The following TBATA variants were observed in gnomAD, a reference collection of about 807,000 sequenced individuals.
TBATA encodes thymus, brain and testes associated.
Under a neutral mutation model 38.7 loss-of-function variants are expected in TBATA, and 47 were observed. The ratio of observed to expected loss-of-function variants is 1.21; its 90% confidence interval spans 0.96 to 1.55. TBATA has a LOEUF of 1.55. Ranked by LOEUF, TBATA falls within the 40% of genes most tolerant of loss-of-function variation. TBATA has a pLI of 0.00. For synonymous variants in TBATA, 183 were observed against 170.5 expected (o/e 1.07, Z -0.57); for missense variants, 436 against 435.6 (o/e 1.00, Z -0.01).
At position 70,783,485 on chromosome 10, in the gene TBATA, C is replaced by A. The variant is rs1355832478; in HGVS notation, c.-106G>T. On this transcript the variant is annotated 5_prime_UTR_variant, in exon 3 of 11. Transcript: ENST00000456372. Reference sequence around the variant, plus strand: ...TAGTGTTGAGGATGCAGAACAGGAACTCTCACGAACTGGTGGTGGAAGTGT... The same window carrying A: ...TAGTGTTGAGGATGCAGAACAGGAAATCTCACGAACTGGTGGTGGAAGTGT... The A allele has an allele frequency of 9.3e-6, 12 of 1,289,786 alleles. No homozygotes were observed. In the African/African-American group the frequency reaches 1.5e-4, roughly 16 times the overall value. 79.9% of individuals were successfully genotyped at this position (1,289,786 alleles called of 1,614,324 possible).
intron 5 of TBATA, 172 bp from the exon 6 acceptor site, chr10:70,778,808 T>G: frequency 8.7e-5 from 55 of 628,832 alleles, no homozygotes; most frequent in East Asian, 2.2e-4. Flanking sequence ...ATTCACACCA[T>G]GGGTGGTGGT....
chr10:70,773,466 C>CT (rs1842988415), intron 9 of TBATA, among the ~76,000 whole-genome samples: 2 of 4,128 alleles, frequency 4.8e-4, no homozygotes, highest in African/African-American at 2.8e-3. Flanking sequence ...AAAATACAGG[C>CT]CCCCCCGGCT....
At chr10:70,783,300 G>C (rs201117638) in intron 3 of TBATA, 39 bp downstream of exon 3, 502 of 1,612,934 alleles carry the variant, frequency 3.1e-4, no homozygotes, top group Non-Finnish European at 4.2e-4. Context: ...CCTACCCCAA[G>C]CCCTCCTCAG....
At chr10:70,779,560 C>A in intron 5 of TBATA, 33 bp downstream of exon 5, 1 of 1,453,752 alleles carries the variant, frequency 6.9e-7, no homozygotes, top group Non-Finnish European at 9.0e-7. Flanking sequence ...GCATGAGCCC[C>A]AGGGTAGAGG....
intron 7 of TBATA, 130 bp from the exon 8 acceptor site, chr10:70,775,400 G>A (rs189081939): frequency 2.0e-5 from 14 of 692,296 alleles, no homozygotes; most frequent in African/African-American, 1.2e-4. Context: ...TGGGCTAAAC[G>A]TGTTCCCACA....
In TBATA at chr10:70,778,620, C is replaced by A; in HGVS notation, c.444G>T (p.Glu148Asp). 6.2e-7 allele frequency: 1 copy of A among 1,614,212 alleles called. No homozygotes were observed. The highest frequency in any genetic ancestry group is 1.1e-5 in the South Asian group (1 of 91,086). Residue 148 changes from glutamate (E) to aspartate (D), a missense_variant, in exon 6 of 11, where the codon GAG (glutamate) becomes GAT (aspartate). By Grantham distance (45) the Glu-to-Asp change is conservative. Transcript: ENST00000456372. ...CCACCCGGGAAGCTAGCTCCTTCAA[C>A]TCCTTCTTCCAGGCTTCTGGGAGGA... ...PQLSSEAWKKELKELASRVAF... is the reference protein window; with the variant it reads ...PQLSSEAWKKDLKELASRVAF...
intron 4 of TBATA, among the ~76,000 whole-genome samples, chr10:70,781,122 G>T (rs1048689263): frequency 2.6e-5 from 4 of 152,188 alleles, no homozygotes; most frequent in South Asian, 2.1e-4. Context: ...ACCAGCTTCT[G>T]CTTCCTTGCT....
At chr10:70,782,071 T>G in intron 3 of TBATA, 35 bp from the exon 4 acceptor site, 3 of 1,606,518 alleles carry the variant, frequency 1.9e-6, no homozygotes, top group Non-Finnish European at 2.6e-6. Flanking sequence ...GCTAATGGAG[T>G]CTCCTCTGGC....
At chr10:70,777,740 G>T (rs1179411341) in intron 6 of TBATA, 1 of 416,396 alleles carries the variant, frequency 2.4e-6, no homozygotes, top group East Asian at 7.2e-5. Flanking sequence ...ACAGCATCCT[G>T]CACCAAGGGC....
At position 70,777,444 on chromosome 10, in the gene TBATA, G is replaced by A. The variant is rs572639731; in HGVS notation, c.508-106C>T. ...CCGGGTCACAATCCCAGGGCACTTCGCCTCCCAAATCCCAGCATCACAGCG... is the reference window on the plus strand; with the variant it reads ...CCGGGTCACAATCCCAGGGCACTTCACCTCCCAAATCCCAGCATCACAGCG... On this transcript the variant is annotated intron_variant, in intron 6 of 10. Coordinates refer to ENST00000456372, the MANE Select transcript of TBATA (RefSeq NM_001318241.2). The A allele has an allele frequency of 9.0e-5, 94 of 1,044,674 alleles. No individual in the cohort carries two copies. The East Asian group carries it at 1.2e-3, about 13-fold the overall frequency. 64.7% of individuals were successfully genotyped at this position (1,044,674 alleles called of 1,614,324 possible). A position where few individuals can be genotyped will look rare whatever the true frequency, so the allele number is the denominator to read the frequency against.
intron 9 of TBATA, among the ~76,000 whole-genome samples, chr10:70,773,853 C>G (rs954520758): frequency 6.6e-6 from 1 of 152,244 alleles, no homozygotes; most frequent in Admixed American, 6.5e-5. Context: ...GCACTTAGTA[C>G]TGGTATAAAA....
chr10:70,775,095 G>C, intron 8 of TBATA, 94 bp downstream of exon 8: 1 of 1,230,138 alleles, frequency 8.1e-7, no homozygotes. Flanking sequence ...TCCAGGGTGG[G>C]AGCTGAGGGA....
chr10:70,772,622 C>T (rs897645969), intron 9 of TBATA, 56 bp from the exon 10 acceptor site: 10 of 1,585,052 alleles, frequency 6.3e-6, no homozygotes, highest in East Asian at 2.2e-5. Context: ...CCTGACCCCA[C>T]GGGTGGCAGG....
chr10:70,774,066 C>T, intron 9 of TBATA, 147 bp downstream of exon 9: 2 of 1,117,264 alleles, frequency 1.8e-6, no homozygotes, highest in Non-Finnish European at 2.5e-6. Context: ...CTAGAAGGTC[C>T]CTGGGGGAGG....
chr10:70,777,353 G>T lies in TBATA; in HGVS notation c.508-15C>A, dbSNP rs746916158. The T allele has an allele frequency of 8.1e-6, 13 of 1,609,072 alleles. No homozygotes were observed. Among genetic ancestry groups the T allele is most frequent in the Non-Finnish European group, 1.1e-5 (13 of 1,177,516 alleles). ...TGCTCCTTCTGCTGGGACAAAAGTG[G>T]CCAGAGACTCCAGGCAGTCAGCAAG... is the stretch of plus-strand genomic sequence containing the variant. On this transcript the variant is annotated splice_polypyrimidine_tract_variant and intron_variant, in intron 6 of 10. Transcript: ENST00000456372.
intron 3 of TBATA, among the ~76,000 whole-genome samples, chr10:70,782,959 T>C (rs1475997204): frequency 6.6e-6 from 1 of 152,218 alleles, no homozygotes; most frequent in Non-Finnish European, 1.5e-5. Context: ...AGTTTCCTGT[T>C]CCATTCTCCA....
In TBATA at chr10:70,782,002, C is replaced by G. The variant is rs1186766483; in HGVS notation, c.76G>C (p.Gly26Arg). 3 of 1,614,144 alleles carry G rather than the reference C, an allele frequency of 1.9e-6. No homozygotes were observed. Among genetic ancestry groups the G allele is most frequent in the Non-Finnish European group, 2.5e-6 (3 of 1,180,050 alleles). Residue 26 changes from glycine (G) to arginine (R), a missense_variant, in exon 4 of 11, where the codon GGG becomes CGG. Physicochemically the swap from Gly to Arg is moderately radical, Grantham distance 125 (BLOSUM62 -2). Transcript: ENST00000456372. ...TCCCTGGGGCTCCTTGGCTTGCGCC[C>G]TGACTTCTTCTCCAGTTTCAGCTCA... ...KAELKLEKKS[G>R]RKPRSPRDSG...
chr10:70,779,035 A>T (rs1222401513), intron 5 of TBATA, among the ~76,000 whole-genome samples: 1 of 152,152 alleles, frequency 6.6e-6, no homozygotes, highest in African/African-American at 2.4e-5. Context: ...TAAGAAATCA[A>T]ACTACTCCCT....
intron 7 of TBATA, chr10:70,776,473 C>T: frequency 2.2e-6 from 1 of 450,932 alleles, no homozygotes; most frequent in Non-Finnish European, 4.5e-6. Flanking sequence ...AGGGCCTCGG[C>T]CTCCCCATCC....
Sources: allele counts gnomAD v4.1 joint callset (sites outside exome capture counted in the v4.1 genomes callset), GRCh38; gene constraint gnomAD v4.1.1; transcripts MANE v1.5; gene names NCBI Gene and HGNC (gene_info 2026-07-23, HGNC 2026-07-21).